NCK1: variants seen among roughly 807,000 people sequenced by gnomAD.
NCK1 encodes the protein SH2/SH3 adapter protein NCK1.
A neutral mutation model predicts 36.6 loss-of-function variants in NCK1; 19 were observed. The ratio of observed to expected loss-of-function variants is 0.52; its 90% CI spans 0.36 to 0.76. The LOEUF (loss-of-function observed/expected upper bound fraction) is 0.76. Ranked by LOEUF, NCK1 falls within the 30% of genes least tolerant of loss-of-function variation. The probability of loss-of-function intolerance (pLI) is 0.00; values close to 1 mark genes in which losing one functional copy is unlikely to be tolerated. For synonymous variants in NCK1, 165 were observed against 156.0 expected, an observed-to-expected ratio of 1.06 and a Z score of -0.43; for missense variants, 358 against 445.6, an observed-to-expected ratio of 0.80 and a Z score of 1.77.
At chr3:136,913,824 G>A (rs1273894918) in intron 1 of NCK1, among the ~76,000 whole-genome samples, 2 of 152,050 alleles carry the variant, frequency 1.3e-5, no homozygotes, top group South Asian at 2.1e-4. Context: ...GCCCGCCACC[G>A]CGCCCAACTA....
At chr3:136,898,662 GA>G (rs2108097137) in intron 1 of NCK1, among the ~76,000 whole-genome samples, 1 of 152,274 alleles carries the variant, frequency 6.6e-6, no homozygotes, top group Non-Finnish European at 1.5e-5. Context: ...TAGCTTATAA[GA>G]TTTCAGAAAT....
chr3:136,867,060 CTT>C (rs1356712547), intron 1 of NCK1, among the ~76,000 whole-genome samples: 4 of 260 alleles, frequency 0.015, no homozygotes, highest in Non-Finnish European at 0.031. Context: ...TTCTTTCTTT[CTT>C]TCTTTCTTTC....
intron 1 of NCK1, among the ~76,000 whole-genome samples, chr3:136,925,191 A>G (rs2108126402): frequency 6.6e-6 from 1 of 152,306 alleles, no homozygotes; most frequent in South Asian, 2.1e-4. Context: ...GGAGGACTAG[A>G]TAATATTGGT....
chr3:136,932,084 A>C (rs1655460710), intron 2 of NCK1, among the ~76,000 whole-genome samples: 1 of 150,810 alleles, frequency 6.6e-6, no homozygotes. Flanking sequence ...GTGCCACTGC[A>C]TGCCAGCCTG....
intron 1 of NCK1, among the ~76,000 whole-genome samples, chr3:136,918,926 A>G (rs1437387275): frequency 6.6e-6 from 1 of 152,190 alleles, no homozygotes; most frequent in Non-Finnish European, 1.5e-5. Context: ...CTCACCTCCT[A>G]TGATTAAATT....
intron 1 of NCK1, among the ~76,000 whole-genome samples, chr3:136,891,514 A>G (rs1011996057): frequency 6.6e-6 from 1 of 152,204 alleles, no homozygotes; most frequent in Non-Finnish European, 1.5e-5. Flanking sequence ...ACAAGTATCT[A>G]TTTGAGTTCT....
chr3:136,930,909 T>G (rs946609275), intron 2 of NCK1, among the ~76,000 whole-genome samples: 27 of 152,306 alleles, frequency 1.8e-4, no homozygotes, highest in African/African-American at 5.5e-4. Context: ...TTAAATAAAT[T>G]GTAAACATTA....
At chr3:136,915,730 GTT>G (rs748296383) in intron 1 of NCK1, among the ~76,000 whole-genome samples, 3 of 142,382 alleles carry the variant, frequency 2.1e-5, no homozygotes, top group Non-Finnish European at 4.6e-5. Flanking sequence ...TTTTGCTTTT[GTT>G]TTTTTTTTTT....
chr3:136,944,111 C>CTTTTTTTTTTTTTTTTTTTTTTTTTTT (rs1560055771), intron 2 of NCK1, among the ~76,000 whole-genome samples: 1 of 80,926 alleles, frequency 1.2e-5, no homozygotes, highest in Non-Finnish European at 2.2e-5. Context: ...GGAAAAACAA[C>CTTTTTTTTTTTTTTTTTTTTTTTTTTT]CTTTTTTTTT....
intron 1 of NCK1, among the ~76,000 whole-genome samples, chr3:136,883,343 T>C (rs1360059857): frequency 6.6e-6 from 1 of 152,068 alleles, no homozygotes; most frequent in African/African-American, 2.4e-5. Context: ...AACGTGAGAC[T>C]TTTTTTTCCC....
At chr3:136,871,901 A>G (rs1938631838) in intron 1 of NCK1, among the ~76,000 whole-genome samples, 1 of 152,202 alleles carries the variant, frequency 6.6e-6, no homozygotes, top group Admixed American at 6.5e-5. Context: ...ACATGCCTTT[A>G]ACCTTGTGCC....
chr3:136,910,836 C>T (rs1939813710), intron 1 of NCK1, among the ~76,000 whole-genome samples: 1 of 152,120 alleles, frequency 6.6e-6, no homozygotes, highest in African/African-American at 2.4e-5. Flanking sequence ...TACATTAATA[C>T]TGACTGGAAT....
intron 2 of NCK1, among the ~76,000 whole-genome samples, chr3:136,934,228 TGTGAAG>T (rs1225483336): frequency 6.6e-6 from 1 of 151,878 alleles, no homozygotes; most frequent in African/African-American, 2.4e-5. Context: ...TGGGGGTACA[TGTGAAG>T]GTTTGTTACA....
intron 1 of NCK1, among the ~76,000 whole-genome samples, chr3:136,865,254 C>T (rs1938380910): frequency 6.6e-6 from 1 of 151,972 alleles, no homozygotes; most frequent in South Asian, 2.1e-4. Flanking sequence ...CCACGCCCGG[C>T]CTGTATTTTT....
intron 1 of NCK1, among the ~76,000 whole-genome samples, chr3:136,926,229 T>C (rs902317295): frequency 1.3e-5 from 2 of 151,826 alleles, no homozygotes; most frequent in African/African-American, 4.8e-5. Context: ...AGTTCATTAA[T>C]TTATTTTTAG....
intron 1 of NCK1, among the ~76,000 whole-genome samples, chr3:136,897,442 C>G (rs1939419452): frequency 6.6e-6 from 1 of 152,124 alleles, no homozygotes; most frequent in Non-Finnish European, 1.5e-5. Context: ...AATGATATTT[C>G]ATGTGGTTTT....
chr3:136,919,409 A>G (rs1481365372), intron 1 of NCK1, among the ~76,000 whole-genome samples: 4 of 152,182 alleles, frequency 2.6e-5, no homozygotes, highest in African/African-American at 7.2e-5. Context: ...TCATTCCTCA[A>G]TATATATTGA....
chr3:136,870,072 C>T (rs1576940140), intron 1 of NCK1, among the ~76,000 whole-genome samples: 2 of 146,326 alleles, frequency 1.4e-5, no homozygotes, highest in African/African-American at 5.1e-5. Context: ...CCTGGCCCAG[C>T]GCAGTGGCTC....
At chr3:136,941,545 A>T (rs531416611) in intron 2 of NCK1, among the ~76,000 whole-genome samples, 1 of 152,024 alleles carries the variant, frequency 6.6e-6, no homozygotes, top group Non-Finnish European at 1.5e-5. Flanking sequence ...TCATGTTTGA[A>T]TTAATACCAA....
Sources: allele counts gnomAD v4.1 joint callset (sites outside exome capture counted in the v4.1 genomes callset), GRCh38; gene constraint gnomAD v4.1.1; transcripts MANE v1.5; gene names NCBI Gene and HGNC (gene_info 2026-07-23, HGNC 2026-07-21).